The following DNAJC5B variants were observed in gnomAD, a reference collection of about 807,000 sequenced individuals.
DNAJC5B encodes the protein dnaJ homolog subfamily C member 5B.
In DNAJC5B, 23 loss-of-function variants were observed where a neutral mutation model predicts 24.7. That is an observed-to-expected ratio of 0.93 (90% CI 0.67 to 1.32). The LOEUF is 1.32. Ranked by LOEUF, DNAJC5B falls within the 40% of genes most tolerant of loss-of-function variation. The pLI, the probability that DNAJC5B is intolerant of heterozygous loss-of-function variation, is 0.00. For missense variants in DNAJC5B, 238 were observed against 240.8 expected (o/e 0.99, Z 0.08); for synonymous variants, 101 against 90.1 (o/e 1.12, Z -0.68).
intron 3 of DNAJC5B, among the ~76,000 whole-genome samples, chr8:66,062,071 T>C (rs574709170): frequency 1.3e-5 from 2 of 152,380 alleles, no homozygotes; most frequent in African/African-American, 4.8e-5. Context: ...CTTTTCTGCC[T>C]CTCCCATTCC....
chr8:66,051,702 A>G (rs747205461), intron 3 of DNAJC5B, 36 bp downstream of exon 3: 2 of 1,505,304 alleles, frequency 1.3e-6, no homozygotes, highest in Non-Finnish European at 9.2e-7. Context: ...TTCTGCTACT[A>G]GTGAGTTATT....
intron 3 of DNAJC5B, among the ~76,000 whole-genome samples, chr8:66,065,071 A>G (rs901946952): frequency 1.3e-5 from 2 of 152,262 alleles, no homozygotes; most frequent in African/African-American, 2.4e-5. Context: ...ATACTTTTCA[A>G]GCGATGATTG....
chr8:66,033,271 CACAA>C (rs1412208799), intron 1 of DNAJC5B, among the ~76,000 whole-genome samples: 5 of 152,248 alleles, frequency 3.3e-5, no homozygotes, highest in African/African-American at 9.6e-5. Flanking sequence ...GTGGGTGCAA[CACAA>C]ACAAAGGTAC....
At chr8:66,038,189 T>A (rs750835126) in intron 1 of DNAJC5B, among the ~76,000 whole-genome samples, 8 of 152,154 alleles carry the variant, frequency 5.3e-5, no homozygotes, top group Non-Finnish European at 1.2e-4. Context: ...TTGGCAGAAG[T>A]CACATGATCA....
At chr8:66,062,913 G>A (rs1470312117) in intron 3 of DNAJC5B, among the ~76,000 whole-genome samples, 1 of 151,518 alleles carries the variant, frequency 6.6e-6, no homozygotes, top group Non-Finnish European at 1.5e-5. Context: ...GGGAGGCTGA[G>A]GTGGGAGGAT....
intron 4 of DNAJC5B, among the ~76,000 whole-genome samples, chr8:66,078,290 TC>T (rs1461505285): frequency 3.3e-5 from 5 of 152,130 alleles, no homozygotes; most frequent in African/African-American, 1.2e-4. Flanking sequence ...GAAAAACATA[TC>T]TTTTCCTTCT....
At chr8:66,052,554 CAAAAA>C (rs765785676) in intron 3 of DNAJC5B, among the ~76,000 whole-genome samples, 5 of 151,864 alleles carry the variant, frequency 3.3e-5, no homozygotes, top group Non-Finnish European at 5.9e-5. Context: ...ACTCAAAGCA[CAAAAA>C]AAATCATCTT....
intron 5 of DNAJC5B, among the ~76,000 whole-genome samples, chr8:66,087,282 A>C (rs1001422160): frequency 4.6e-5 from 7 of 152,138 alleles, no homozygotes; most frequent in African/African-American, 1.7e-4. Flanking sequence ...TTCACTCACT[A>C]TTGTGAGAAT....
At chr8:66,070,442 A>G (rs1807321228) in intron 3 of DNAJC5B, among the ~76,000 whole-genome samples, 1 of 152,128 alleles carries the variant, frequency 6.6e-6, no homozygotes, top group African/African-American at 2.4e-5. Flanking sequence ...TCATGAGTGA[A>G]CTCCCTTTCA....
chr8:66,044,107 G>T (rs548431047), intron 2 of DNAJC5B, among the ~76,000 whole-genome samples: 12 of 152,308 alleles, frequency 7.9e-5, no homozygotes, highest in African/African-American at 2.6e-4. Context: ...ACAGGTGCGA[G>T]CCCGGCCAAG....
chr8:66,046,898 G>A (rs934260289), intron 2 of DNAJC5B, among the ~76,000 whole-genome samples: 1 of 152,246 alleles, frequency 6.6e-6, no homozygotes, highest in African/African-American at 2.4e-5. Context: ...AACTTTGGAT[G>A]TCCATTATTT....
chr8:66,038,167 T>G (rs1806529852), intron 1 of DNAJC5B, among the ~76,000 whole-genome samples: 1 of 152,114 alleles, frequency 6.6e-6, no homozygotes, highest in Non-Finnish European at 1.5e-5. Context: ...CCCTCATGAG[T>G]GATGTTCAGG....
rs529543985 is a variant in DNAJC5B, at chr8:66,050,657, G to T, written c.-17-874G>T. Among the ~76,000 whole-genome samples, 20 of 152,230 alleles carry T rather than the reference G, an allele frequency of 1.3e-4. No homozygotes were observed. The South Asian group carries it at 3.7e-3, about 28-fold the overall frequency. On this transcript the variant is annotated intron_variant, in intron 2 of 5. Coordinates refer to ENST00000276570, the MANE Select transcript of DNAJC5B (RefSeq NM_033105.6). The stretch of plus-strand genomic sequence containing the variant: ...TCAGGAAAAGCACAAGATGCAGTGG[G>T]GACCTATGCACTCCCCAGAAAAAGA...
intron 5 of DNAJC5B, among the ~76,000 whole-genome samples, chr8:66,088,126 C>T (rs1019969551): frequency 6.6e-6 from 1 of 152,210 alleles, no homozygotes; most frequent in Non-Finnish European, 1.5e-5. Flanking sequence ...GGTGGAGGAT[C>T]CCAAAGTTGA....
intron 1 of DNAJC5B, among the ~76,000 whole-genome samples, chr8:66,031,957 G>T (rs1334634891): frequency 1.3e-5 from 2 of 152,230 alleles, no homozygotes; most frequent in African/African-American, 4.8e-5. Context: ...TATGTCATCA[G>T]TTGGCCTAGT....
chr8:66,020,366 A>G (rs1392605929), upstream of DNAJC5B, among the ~76,000 whole-genome samples: 1 of 152,206 alleles, frequency 6.6e-6, no homozygotes, highest in Non-Finnish European at 1.5e-5. Context: ...AGCCCAATAT[A>G]TGTTCTCCTC....
Position 66,036,427 on chromosome 8 carries a change from C to A in DNAJC5B, c.-141-7061C>A, listed in dbSNP as rs1806486278. On this transcript the variant is annotated intron_variant, in intron 1 of 5. Transcript: ENST00000276570. Reference sequence around the variant, plus strand: ...AAACCAGATTTTGTAGGTTATAAATCCCCCAACGGACAAGCTCTGGGATGC... The same window carrying A: ...AAACCAGATTTTGTAGGTTATAAATACCCCAACGGACAAGCTCTGGGATGC... Among the ~76,000 whole-genome samples the A allele has an allele frequency of 4.6e-5, 7 of 152,124 alleles. No homozygotes were observed. In the South Asian group the frequency reaches 1.4e-3, roughly 32 times the overall value.
intron 5 of DNAJC5B, among the ~76,000 whole-genome samples, chr8:66,097,698 T>C (rs1476326594): frequency 2.6e-5 from 4 of 152,136 alleles, no homozygotes; most frequent in Non-Finnish European, 5.9e-5. Context: ...ATGTAACTTA[T>C]TAAGAGGGTT....
At chr8:66,033,090 C>G (rs1806395204) in intron 1 of DNAJC5B, among the ~76,000 whole-genome samples, 1 of 152,206 alleles carries the variant, frequency 6.6e-6, no homozygotes, top group Non-Finnish European at 1.5e-5. Context: ...CATCCGTATC[C>G]CAGTCCAGTG....
Sources: allele counts gnomAD v4.1 joint callset (sites outside exome capture counted in the v4.1 genomes callset), GRCh38; gene constraint gnomAD v4.1.1; transcripts MANE v1.5; gene names NCBI Gene and HGNC (gene_info 2026-07-23, HGNC 2026-07-21).